The following SMCO4 variants were observed in gnomAD, a reference collection of about 807,000 sequenced individuals.
The protein encoded by SMCO4 is single-pass membrane and coiled-coil domain-containing protein 4.
SMCO4 carries 4 observed loss-of-function variants against 3.6 expected under a neutral mutation model. The observed-to-expected ratio is 1.11, with a 90% CI of 0.54 to 2.53. The LOEUF is 2.53. Ranked by LOEUF, SMCO4 falls within the 30% of genes most tolerant of loss-of-function variation. The pLI is 0.02. For synonymous variants in SMCO4, 36 were observed against 35.3 expected (o/e 1.02, Z -0.07); for missense variants, 70 against 80.8 (o/e 0.87, Z 0.51).
chr11:93,500,412 G>GC (rs1948824134), intron 1 of SMCO4, among the ~76,000 whole-genome samples: 1 of 152,268 alleles, frequency 6.6e-6, no homozygotes, highest in Admixed American at 6.5e-5. Flanking sequence ...ACAGATGTAT[G>GC]CCCGACCTCT....
chr11:93,548,841 C>T, the SMCO4 span, among the ~76,000 whole-genome samples: 1 of 152,196 alleles, frequency 6.6e-6, no homozygotes, highest in Non-Finnish European at 1.5e-5. Context: ...GCCCTGGGTA[C>T]AGAATTTTCT....
chr11:93,551,573 C>A, the SMCO4 span, among the ~76,000 whole-genome samples: 501 of 152,328 alleles, frequency 3.3e-3, 4 homozygotes, highest in Middle Eastern at 0.014. Context: ...CCCTCAGCTG[C>A]AGCACTTAGG....
chr11:93,546,940 A>G (rs1306235896), upstream of SMCO4, among the ~76,000 whole-genome samples: 1 of 152,118 alleles, frequency 6.6e-6, no homozygotes, highest in Admixed American at 6.5e-5. Flanking sequence ...CCCCTTCCAC[A>G]TGCTGTTCCT....
intron 1 of SMCO4, among the ~76,000 whole-genome samples, chr11:93,512,823 G>A (rs966447869): frequency 6.6e-6 from 1 of 152,208 alleles, no homozygotes; most frequent in African/African-American, 2.4e-5. Flanking sequence ...GCTCCAGTAA[G>A]TGCTGTGAAA....
chr11:93,508,377 A>G (rs1173958510), intron 1 of SMCO4, among the ~76,000 whole-genome samples: 2 of 152,208 alleles, frequency 1.3e-5, no homozygotes, highest in South Asian at 2.1e-4. Context: ...CTCCATGAAC[A>G]TATGATTCTG....
At chr11:93,538,913 C>T (rs1022501323) in intron 1 of SMCO4, among the ~76,000 whole-genome samples, 1 of 152,186 alleles carries the variant, frequency 6.6e-6, no homozygotes, top group African/African-American at 2.4e-5. Flanking sequence ...ACCGAGCTAC[C>T]TTTCTAGAAT....
At chr11:93,509,981 A>T (rs936150936) in intron 1 of SMCO4, among the ~76,000 whole-genome samples, 2 of 152,222 alleles carry the variant, frequency 1.3e-5, no homozygotes, top group Admixed American at 6.5e-5. Flanking sequence ...GAATAAAACT[A>T]AAAAAGCAAT....
chr11:93,534,436 T>C (rs1827305459), intron 1 of SMCO4, among the ~76,000 whole-genome samples: 1 of 142,444 alleles, frequency 7.0e-6, no homozygotes, highest in Non-Finnish European at 1.5e-5. Context: ...ATAGGTGGAG[T>C]TACTTACAAT....
At chr11:93,533,245 C>T (rs1235444822) in intron 1 of SMCO4, among the ~76,000 whole-genome samples, 1 of 152,134 alleles carries the variant, frequency 6.6e-6, no homozygotes, top group Admixed American at 6.5e-5. Flanking sequence ...TCTTTGCCCT[C>T]CCCTTGATTA....
chr11:93,514,669 G>A (rs1051715371), intron 1 of SMCO4, among the ~76,000 whole-genome samples: 4 of 152,090 alleles, frequency 2.6e-5, no homozygotes, highest in Non-Finnish European at 1.5e-5. Flanking sequence ...TTGCACAGAG[G>A]AGGCACTCAA....
chr11:93,510,337 T>C (rs1427516831), intron 1 of SMCO4, among the ~76,000 whole-genome samples: 5 of 152,180 alleles, frequency 3.3e-5, no homozygotes, highest in African/African-American at 9.7e-5. Context: ...AAGAAGGAAT[T>C]TGAATGGCTT....
At chr11:93,552,364 T>C in the SMCO4 span, among the ~76,000 whole-genome samples, 3 of 150,866 alleles carry the variant, frequency 2.0e-5, no homozygotes, top group African/African-American at 4.9e-5. Flanking sequence ...GGTTTCAAAC[T>C]CCCAGCCTCA....
intron 1 of SMCO4, among the ~76,000 whole-genome samples, chr11:93,532,974 A>C (rs1376498572): frequency 1.3e-5 from 2 of 152,232 alleles, no homozygotes; most frequent in Non-Finnish European, 2.9e-5. Flanking sequence ...CACCTAGAAC[A>C]GTGTATTTCC....
chr11:93,494,474 G>A (rs753797962), intron 2 of SMCO4, among the ~76,000 whole-genome samples: 20 of 152,132 alleles, frequency 1.3e-4, no homozygotes, highest in African/African-American at 2.4e-4. Context: ...CCTCACTGAC[G>A]TTGCACTGTC....
chr11:93,499,346 T>C lies in SMCO4; in HGVS notation c.-151A>G, dbSNP rs925908358. On this transcript the variant is annotated splice_region_variant and 5_prime_UTR_variant, in exon 2 of 3. Transcript: ENST00000298966. The stretch of plus-strand genomic sequence containing the variant: ...TTTCCAGTACAGGTGACTTGAGTTA[T>C]TCCTGTTGAGAAATTAGAAGAAAGG... 2.6e-5 allele frequency: 4 copies of C among 152,216 alleles called. No individual in the cohort carries two copies. Among genetic ancestry groups the C allele is most frequent in the African/African-American group, 9.6e-5 (4 of 41,460 alleles). The allele number at this position is 152,216 out of a possible 1,614,324, so 9.4% of individuals were successfully genotyped here.
In SMCO4 at chr11:93,489,561, C is replaced by T. The variant is rs1029528665; in HGVS notation, c.-81+9715G>A. Among the ~76,000 whole-genome samples the T allele has an allele frequency of 7.2e-5, 11 of 152,128 alleles. 1 individual carries two copies. Among genetic ancestry groups the T allele is most frequent in the Admixed American group, 3.3e-4 (5 of 15,282 alleles). On this transcript the variant is annotated intron_variant, in intron 2 of 2. Transcript: ENST00000298966. ...GCAGGAAAGTCAGGATGGCACCAACCGCGCAGGTGTAGGCATAGAAAAAGT... is the reference window on the plus strand; with the variant it reads ...GCAGGAAAGTCAGGATGGCACCAACTGCGCAGGTGTAGGCATAGAAAAAGT...
intron 2 of SMCO4, among the ~76,000 whole-genome samples, chr11:93,486,524 G>A (rs563573111): frequency 6.6e-6 from 1 of 152,308 alleles, no homozygotes; most frequent in South Asian, 2.1e-4. Context: ...GGAAGGTGCC[G>A]CTACACGCTG....
intron 1 of SMCO4, among the ~76,000 whole-genome samples, chr11:93,514,288 C>T (rs1393274989): frequency 1.3e-5 from 2 of 149,978 alleles, no homozygotes; most frequent in Non-Finnish European, 3.0e-5. Flanking sequence ...GGGCAATTGG[C>T]ATGGGTCATC....
intron 1 of SMCO4, among the ~76,000 whole-genome samples, chr11:93,518,102 C>A (rs551653288): frequency 6.6e-5 from 10 of 152,348 alleles, no homozygotes; most frequent in Admixed American, 2.0e-4. Context: ...TCGATCCACA[C>A]AACCTCTTCC....
Sources: allele counts gnomAD v4.1 joint callset (sites outside exome capture counted in the v4.1 genomes callset), GRCh38; gene constraint gnomAD v4.1.1; transcripts MANE v1.5; gene names NCBI Gene and HGNC (gene_info 2026-07-23, HGNC 2026-07-21).